The following CYP27A1 variants were observed in gnomAD, a reference collection of about 807,000 sequenced individuals.
CYP27A1 encodes sterol 26-hydroxylase, mitochondrial.
Under a neutral mutation model 58.2 loss-of-function variants are expected in CYP27A1, and 46 were observed. The ratio of observed to expected loss-of-function variants is 0.79; its 90% CI spans 0.62 to 1.01. The LOEUF (loss-of-function observed/expected upper bound fraction) is 1.01. Ranked by LOEUF, CYP27A1 falls within the 50% of genes least tolerant of loss-of-function variation. The pLI is 0.00. For missense variants in CYP27A1, 704 were observed against 687.0 expected, an observed-to-expected ratio of 1.02 and a Z score of -0.28; for synonymous variants, 274 against 285.1, an observed-to-expected ratio of 0.96 and a Z score of 0.39.
At chr2:218,793,312 G>T (rs556112617) in intron 1 of CYP27A1, among the ~76,000 whole-genome samples, 1 of 152,230 alleles carries the variant, frequency 6.6e-6, no homozygotes, top group African/African-American at 2.4e-5. Context: ...CTGACCTCAG[G>T]TGATCCACCC....
intron 1 of CYP27A1, among the ~76,000 whole-genome samples, chr2:218,806,226 A>G (rs1380124695): frequency 6.6e-6 from 1 of 152,262 alleles, no homozygotes; most frequent in Non-Finnish European, 1.5e-5. Flanking sequence ...GAAGGATAAG[A>G]AACCAAACTT....
chr2:218,786,626 G>T (rs1996992), intron 1 of CYP27A1, among the ~76,000 whole-genome samples: 10,232 of 152,058 alleles, frequency 0.067, 416 homozygotes, highest in African/African-American at 0.11. Context: ...CAAACATATT[G>T]ATCCTGAGAA....
chr2:218,806,879 G>A (rs753509048), intron 1 of CYP27A1, among the ~76,000 whole-genome samples: 4 of 151,634 alleles, frequency 2.6e-5, no homozygotes, highest in Non-Finnish European at 4.4e-5. Context: ...ATGGAAACAC[G>A]TGCAATTATT....
At chr2:218,794,245 C>A (rs1404721919) in intron 1 of CYP27A1, among the ~76,000 whole-genome samples, 1 of 152,166 alleles carries the variant, frequency 6.6e-6, no homozygotes, top group East Asian at 1.9e-4. Flanking sequence ...TCTCATTCCC[C>A]ACTCTAAAGA....
chr2:218,792,910 A>G (rs1559387037), intron 1 of CYP27A1, among the ~76,000 whole-genome samples: 1 of 152,216 alleles, frequency 6.6e-6, no homozygotes, highest in Non-Finnish European at 1.5e-5. Context: ...GTAGCATCCC[A>G]AAGTTAAAGG....
At chr2:218,804,213 T>G (rs2105976731) in intron 1 of CYP27A1, among the ~76,000 whole-genome samples, 1 of 152,356 alleles carries the variant, frequency 6.6e-6, no homozygotes, top group Non-Finnish European at 1.5e-5. Flanking sequence ...TTTGAATTAA[T>G]TTTTGTATAT....
intron 1 of CYP27A1, among the ~76,000 whole-genome samples, chr2:218,793,570 G>A (rs1943517010): frequency 6.6e-6 from 1 of 151,914 alleles, no homozygotes; most frequent in African/African-American, 2.4e-5. Context: ...TTATCCAAAA[G>A]AGAAATATTT....
chr2:218,784,991 C>T (rs182500902), intron 1 of CYP27A1, among the ~76,000 whole-genome samples: 5 of 152,254 alleles, frequency 3.3e-5, no homozygotes, highest in Non-Finnish European at 7.4e-5. Flanking sequence ...GATTCAAGTG[C>T]ATTACATTTA....
In CYP27A1 at chr2:218,809,734, A is replaced by G; in HGVS notation, c.413A>G (p.Asp138Gly). The change falls in exon 2 of 9, where the codon GAC becomes GGC. Residue 138 changes from aspartate (D) to glycine (G), a missense_variant. Asp to Gly is a moderately conservative substitution (Grantham distance 94). Transcript: ENST00000258415. ...ATGGAGCTATGGAAGGAGCACCGGG[A>G]CCAGCACGACCTGACCTATGGGCCG... ...NDMELWKEHR[D>G]QHDLTYGPFT... The G allele has an allele frequency of 6.2e-7, 1 of 1,613,942 alleles. No homozygotes were observed. Among genetic ancestry groups the G allele is most frequent in the Non-Finnish European group, 8.5e-7 (1 of 1,179,870 alleles).
At chr2:218,809,537 C>T in intron 1 of CYP27A1, 40 bp from the exon 2 acceptor site, 1 of 1,600,944 alleles carries the variant, frequency 6.2e-7, no homozygotes, top group Non-Finnish European at 8.5e-7. Context: ...AGCACCTGCC[C>T]AGCTTGGCCC....
rs1943775075 is a variant in CYP27A1 at position 218,815,025 on chromosome 2, T to A, written c.1591T>A (p.Cys531Ser). 1.2e-6 allele frequency: 2 copies of A among 1,614,172 alleles called. No individual in the cohort carries two copies. Among genetic ancestry groups the A allele is most frequent in the Middle Eastern group, 1.6e-4 (1 of 6,062 alleles). Residue 531 changes from cysteine to serine, a missense_variant, in exon 9 of 9, where the codon TGC becomes AGC. Coordinates refer to ENST00000258415, the MANE Select transcript of CYP27A1 (RefSeq NM_000784.4). Reference sequence around the variant, plus strand: ...GGGCCTGCAGTTCCTGCAGAGACAGTGCTGAGCTGAGTCTCCGCCTTGCTG... The same window carrying A: ...GGGCCTGCAGTTCCTGCAGAGACAGAGCTGAGCTGAGTCTCCGCCTTGCTG... Reference protein sequence around the residue: ...KVGLQFLQRQC With the variant: ...KVGLQFLQRQS
chr2:218,784,297 G>C (rs1429964454), intron 1 of CYP27A1, among the ~76,000 whole-genome samples: 1 of 152,172 alleles, frequency 6.6e-6, no homozygotes, highest in Non-Finnish European at 1.5e-5. Context: ...AATATTTTGA[G>C]CCTTAAGGGA....
intron 1 of CYP27A1, among the ~76,000 whole-genome samples, chr2:218,797,974 C>G (rs1410654471): frequency 1.3e-5 from 2 of 152,158 alleles, no homozygotes; most frequent in African/African-American, 2.4e-5. Flanking sequence ...TCTTTTAACC[C>G]TAGGCAAGAA....
At chr2:218,814,217 AG>A (rs1478007496) in intron 6 of CYP27A1, 30 bp downstream of exon 6, 1 of 1,614,000 alleles carries the variant, frequency 6.2e-7, no homozygotes, top group Non-Finnish European at 8.5e-7. Flanking sequence ...TGGGGGGCAC[AG>A]GATCTCTTTG....
At chr2:218,786,638 TATGAG>T (rs903600056) in intron 1 of CYP27A1, among the ~76,000 whole-genome samples, 1 of 152,166 alleles carries the variant, frequency 6.6e-6, no homozygotes, top group African/African-American at 2.4e-5. Flanking sequence ...TCCTGAGAAT[TATGAG>T]ATATCTATTC....
intron 7 of CYP27A1, 39 bp from the exon 8 acceptor site, chr2:218,814,506 C>T (rs376750859): frequency 2.1e-5 from 34 of 1,612,360 alleles, no homozygotes; most frequent in Non-Finnish European, 2.5e-5. Flanking sequence ...CCTATGCCCC[C>T]GAAGAGAGGC....
chr2:218,811,534 C>T (rs1943715341), intron 2 of CYP27A1, among the ~76,000 whole-genome samples: 2 of 152,176 alleles, frequency 1.3e-5, no homozygotes. Flanking sequence ...CCTTGCCTAA[C>T]CAAGGAGGAG....
Position 218,812,763 on chromosome 2 carries a change from GA to G in CYP27A1, c.844+15del. ...TCTTTTCCTTTGGTGAGGACTCCCA[GA>G]TGGGGCCCAGGGAAGAGAGATGGGG... On this transcript the variant is annotated intron_variant, in intron 4 of 8. Transcript: ENST00000258415. The G allele has an allele frequency of 6.2e-7, 1 of 1,614,138 alleles. No homozygotes were observed. The highest frequency in any genetic ancestry group is 8.5e-7 in the Non-Finnish European group (1 of 1,179,972).
intron 1 of CYP27A1, among the ~76,000 whole-genome samples, chr2:218,805,761 T>C (rs1331019682): frequency 1.3e-5 from 2 of 152,162 alleles, no homozygotes; most frequent in Non-Finnish European, 2.9e-5. Flanking sequence ...CATCCGAGAA[T>C]GCTGGGACTT....
Sources: allele counts gnomAD v4.1 joint callset (sites outside exome capture counted in the v4.1 genomes callset), GRCh38; gene constraint gnomAD v4.1.1; transcripts MANE v1.5; gene names NCBI Gene and HGNC (gene_info 2026-07-23, HGNC 2026-07-21).